IPO11: variants seen among roughly 807,000 people sequenced by gnomAD.
The protein encoded by IPO11 is importin 11.
Under a neutral mutation model 143.2 loss-of-function variants are expected in IPO11, and 66 were observed. The ratio of observed to expected loss-of-function variants is 0.46; its 90% CI spans 0.38 to 0.57. IPO11 has a LOEUF of 0.57. Among genes scored for constraint, IPO11 ranks in the 20% least tolerant of loss-of-function variants. IPO11 has a pLI of 0.00. For missense variants in IPO11, 1,026 were observed against 1,141.0 expected (o/e 0.90, Z 1.45); for synonymous variants, 385 against 377.8 (o/e 1.02, Z -0.22).
rs756530383 is a variant in IPO11, at chr5:62,504,695, A to G, written c.1619A>G (p.Lys540Arg). 2.7e-6 allele frequency: 4 copies of G among 1,482,210 alleles called. No homozygotes were observed. In the African/African-American group the frequency reaches 4.2e-5, roughly 16 times the overall value. 91.8% of individuals were successfully genotyped at this position (1,482,210 alleles called of 1,614,324 possible). A position where few individuals can be genotyped will look rare whatever the true frequency, so the allele number is the denominator to read the frequency against. Residue 540 changes from lysine (K) to arginine (R), a missense_variant, in exon 17 of 30, where the codon AAG becomes AGG. This residue lies in a region of IPO11 where 237 missense variants were observed against 288.0 expected (regional missense o/e 0.82). Coordinates refer to ENST00000325324, the MANE Select transcript of IPO11 (RefSeq NM_016338.5). The stretch of plus-strand genomic sequence containing the variant: ...CGTATTGAAACAGCTACAACTTTGA[A>G]GTTAAATATCCTTCTGAAAATTTAA... Reference protein sequence around the residue: ...VVRIETATTLKLTVDDFEFRT... With the variant: ...VVRIETATTLRLTVDDFEFRT...
chr5:62,433,145 TG>T (rs371359283), intron 1 of IPO11, among the ~76,000 whole-genome samples: 139 of 151,622 alleles, frequency 9.2e-4, no homozygotes, highest in African/African-American at 3.0e-3. Flanking sequence ...GGCACCTTTT[TG>T]TTTTTTGTTT....
rs545077827 is a variant in IPO11 at position 62,445,743 on chromosome 5, G to A, written c.239+2660G>A. ...GCATGTTTGAGGTAAGTTAGGCTAA[G>A]ATAATGATGTTCAGTAGGTTAGATA... On this transcript the variant is annotated intron_variant, in intron 3 of 29. Coordinates refer to ENST00000325324, the MANE Select transcript of IPO11 (RefSeq NM_016338.5). Among the ~76,000 whole-genome samples, 4 of 152,260 alleles carry A rather than the reference G, an allele frequency of 2.6e-5. No individual in the cohort carries two copies. The South Asian group carries it at 8.3e-4, about 32-fold the overall frequency.
At chr5:62,513,289 GGGGCGGCTGGCTGGGCGTGGGGCT>G (rs1741846687) in intron 19 of IPO11, among the ~76,000 whole-genome samples, 1 of 90,650 alleles carries the variant, frequency 1.1e-5, no homozygotes, top group Non-Finnish European at 2.2e-5. Context: ...CCTCCCGGAC[GGGGCGGCTGGCTGGGCGTGGGGCT>G]GACCCCCCCA....
chr5:62,522,319 C>G (rs1424699008), intron 20 of IPO11, among the ~76,000 whole-genome samples: 1 of 150,490 alleles, frequency 6.6e-6, no homozygotes. Context: ...GGATCTCACT[C>G]TGTTGCCCAG....
intron 28 of IPO11, among the ~76,000 whole-genome samples, chr5:62,599,642 A>G (rs1745425097): frequency 6.6e-6 from 1 of 152,174 alleles, no homozygotes; most frequent in Non-Finnish European, 1.5e-5. Context: ...AAAGATTCTT[A>G]TTTAGCAGGC....
At chr5:62,476,859 A>G (rs1430723239) in intron 9 of IPO11, 106 bp downstream of exon 9, 1 of 1,214,072 alleles carries the variant, frequency 8.2e-7, no homozygotes, top group Non-Finnish European at 1.1e-6. Context: ...GTGTAAGGAA[A>G]CCTATGTTCT....
chr5:62,467,073 A>G (rs1338102292), intron 5 of IPO11, 58 bp from the exon 6 acceptor site: 1 of 1,452,932 alleles, frequency 6.9e-7, no homozygotes, highest in Non-Finnish European at 9.3e-7. Context: ...TTGTAGTTCT[A>G]ATGTATTACT....
At chr5:62,616,487 A>T (rs144891249) in intron 29 of IPO11, among the ~76,000 whole-genome samples, 7,974 of 152,204 alleles carry the variant, frequency 0.052, 241 homozygotes, top group South Asian at 0.081. Flanking sequence ...TAATCCCAGC[A>T]CTTTGGGAGG....
At chr5:62,418,411 C>T (rs1743378110) in intron 1 of IPO11, among the ~76,000 whole-genome samples, 1 of 152,124 alleles carries the variant, frequency 6.6e-6, no homozygotes, top group Non-Finnish European at 1.5e-5. Context: ...CCTCGGCCTT[C>T]TAAAGTATTG....
At chr5:62,488,209 GAAAT>G (rs1220082114) in intron 13 of IPO11, among the ~76,000 whole-genome samples, 2 of 152,190 alleles carry the variant, frequency 1.3e-5, no homozygotes, top group Non-Finnish European at 2.9e-5. Context: ...AGTGGGAATG[GAAAT>G]AATTGATTAT....
intron 26 of IPO11, among the ~76,000 whole-genome samples, chr5:62,552,379 A>T (rs1029318644): frequency 1.4e-4 from 22 of 152,028 alleles, no homozygotes; most frequent in African/African-American, 5.3e-4. Context: ...GACTAATCTA[A>T]TTAGAGATCC....
intron 5 of IPO11, among the ~76,000 whole-genome samples, chr5:62,466,461 T>G (rs1282524445): frequency 6.6e-6 from 1 of 152,214 alleles, no homozygotes; most frequent in Admixed American, 6.5e-5. Context: ...ATAAATACTT[T>G]TATCTAATTT....
At chr5:62,499,458 A>G (rs1371773930) in intron 16 of IPO11, among the ~76,000 whole-genome samples, 6 of 152,240 alleles carry the variant, frequency 3.9e-5, no homozygotes, top group African/African-American at 1.4e-4. Flanking sequence ...GAAAGCCTAG[A>G]AAATCACTGT....
chr5:62,449,439 GA>G (rs1306507074), intron 3 of IPO11, among the ~76,000 whole-genome samples: 1 of 151,720 alleles, frequency 6.6e-6, no homozygotes, highest in East Asian at 1.9e-4. Context: ...TTGCCCCATA[GA>G]ATAATCTCAC....
At chr5:62,514,603 C>T (rs1327021709) in intron 19 of IPO11, among the ~76,000 whole-genome samples, 3,987 of 132,208 alleles carry the variant, frequency 0.03, 245 homozygotes, top group African/African-American at 0.12. Context: ...GAGAGGGAGA[C>T]GGGAGAGGGA....
chr5:62,447,872 GC>G (rs1744775199), intron 3 of IPO11, among the ~76,000 whole-genome samples: 1 of 151,840 alleles, frequency 6.6e-6, no homozygotes, highest in South Asian at 2.1e-4. Flanking sequence ...CAGTCACCAC[GC>G]CCAGCTAAAT....
chr5:62,442,398 C>T (rs975461195), intron 2 of IPO11, among the ~76,000 whole-genome samples: 1 of 152,098 alleles, frequency 6.6e-6, no homozygotes, highest in Non-Finnish European at 1.5e-5. Flanking sequence ...TTTTCAAACA[C>T]ACCTTAAAGC....
chr5:62,583,391 A>G (rs1489914399), intron 27 of IPO11, among the ~76,000 whole-genome samples: 2 of 152,338 alleles, frequency 1.3e-5, no homozygotes, highest in East Asian at 3.9e-4. Flanking sequence ...TTTATATAAC[A>G]AAGTATTTTT....
At chr5:62,430,676 C>T (rs1462069465) in intron 1 of IPO11, among the ~76,000 whole-genome samples, 4 of 150,138 alleles carry the variant, frequency 2.7e-5, no homozygotes, top group African/African-American at 7.4e-5. Context: ...AATTTAATTA[C>T]TTAATTTTTT....
Sources: allele counts gnomAD v4.1 joint callset (sites outside exome capture counted in the v4.1 genomes callset), GRCh38; gene constraint gnomAD v4.1.1; regional missense constraint gnomAD v4.1.1; transcripts MANE v1.5; gene names NCBI Gene and HGNC (gene_info 2026-07-23, HGNC 2026-07-21).